The following SRPK2 variants were observed in gnomAD, a reference collection of about 807,000 sequenced individuals.
SRPK2 encodes the protein SRSF protein kinase 2.
A neutral mutation model predicts 90.8 loss-of-function variants in SRPK2; 21 were observed. The ratio of observed to expected loss-of-function variants is 0.23; its 90% CI spans 0.16 to 0.33. The LOEUF (loss-of-function observed/expected upper bound fraction) is 0.33. SRPK2 is among the 10% of genes least tolerant of loss of function. SRPK2 has a pLI of 1.00. For missense variants in SRPK2, 620 were observed against 869.0 expected (o/e 0.71, Z 3.60); for synonymous variants, 288 against 311.1 (o/e 0.93, Z 0.78).
upstream of SRPK2, chr7:105,389,036 C>T (rs1320580068): frequency 2.4e-5 from 23 of 970,416 alleles, no homozygotes; most frequent in Non-Finnish European, 2.7e-5. Context: ...CCCAGCGCCG[C>T]GCGCCCAGCG....
chr7:105,243,630 CAAAA>C (rs767760238), intron 2 of SRPK2, among the ~76,000 whole-genome samples: 1 of 55,586 alleles, frequency 1.8e-5, no homozygotes. Flanking sequence ...GACTCCATCT[CAAAA>C]AAAAAAAAAA....
At chr7:105,268,535 C>G (rs1805400590) in intron 2 of SRPK2, among the ~76,000 whole-genome samples, 1 of 152,106 alleles carries the variant, frequency 6.6e-6, no homozygotes, top group Admixed American at 6.5e-5. Flanking sequence ...ATTTTTAAAG[C>G]CTTCAACAGC....
chr7:105,172,323 C>T (rs1791262186), intron 3 of SRPK2, among the ~76,000 whole-genome samples: 2 of 152,156 alleles, frequency 1.3e-5, no homozygotes, highest in Non-Finnish European at 2.9e-5. Context: ...CAAAAATAAA[C>T]TATAATATAC....
intron 11 of SRPK2, among the ~76,000 whole-genome samples, chr7:105,135,787 CAG>C (rs1450695474): frequency 1.4e-5 from 2 of 146,652 alleles, no homozygotes; most frequent in Non-Finnish European, 3.0e-5. Context: ...TTTTTTGAGA[CAG>C]AGTCTCACTC....
chr7:105,241,293 T>C (rs997971574), intron 2 of SRPK2, among the ~76,000 whole-genome samples: 3 of 152,168 alleles, frequency 2.0e-5, no homozygotes, highest in African/African-American at 7.2e-5. Flanking sequence ...ATTATTTCAG[T>C]TAAAGCTCAA....
chr7:105,307,501 CA>C (rs1230392555), intron 2 of SRPK2, among the ~76,000 whole-genome samples: 1 of 152,218 alleles, frequency 6.6e-6, no homozygotes, highest in African/African-American at 2.4e-5. Flanking sequence ...CAGTGCCATC[CA>C]TTTGTCATCT....
At chr7:105,163,684 G>A (rs968207329) in intron 6 of SRPK2, among the ~76,000 whole-genome samples, 4 of 152,138 alleles carry the variant, frequency 2.6e-5, no homozygotes, top group African/African-American at 9.7e-5. Context: ...GGTGGCACAT[G>A]CCTGTAATCC....
At chr7:105,197,448 C>T (rs1460932464) in intron 3 of SRPK2, among the ~76,000 whole-genome samples, 1 of 152,174 alleles carries the variant, frequency 6.6e-6, no homozygotes, top group Non-Finnish European at 1.5e-5. Context: ...TCTGATCTGC[C>T]AGTCAGCATG....
intron 2 of SRPK2, chr7:105,268,781 G>T (rs765880757): frequency 1.9e-6 from 3 of 1,586,366 alleles, no homozygotes; most frequent in Admixed American, 3.3e-5. Context: ...ACCATTAATT[G>T]TTCATGCAAG....
intron 2 of SRPK2, among the ~76,000 whole-genome samples, chr7:105,224,964 C>T (rs1585241488): frequency 6.6e-6 from 1 of 152,174 alleles, no homozygotes; most frequent in Non-Finnish European, 1.5e-5. Context: ...TCGAAAACTT[C>T]CCTTTCCTTA....
chr7:105,245,029 AAACAAACACAC>A (rs1392391525), intron 2 of SRPK2: 10 of 639,972 alleles, frequency 1.6e-5, no homozygotes, highest in South Asian at 4.6e-5. Flanking sequence ...AAACAAAACA[AAACAAACACAC>A]ACACACACAC....
At chr7:105,232,615 C>CAA (rs11334425) in intron 2 of SRPK2, among the ~76,000 whole-genome samples, 4 of 151,144 alleles carry the variant, frequency 2.6e-5, no homozygotes, top group African/African-American at 9.7e-5. Flanking sequence ...CAAAACAAAA[C>CAA]AAAAAAAAAC....
chr7:105,259,666 T>C (rs1803910166), intron 2 of SRPK2, among the ~76,000 whole-genome samples: 1 of 152,192 alleles, frequency 6.6e-6, no homozygotes, highest in Admixed American at 6.5e-5. Context: ...CAAAACAGCA[T>C]GGTACTGGTA....
upstream of SRPK2, chr7:105,389,098 C>A (rs1268241424): frequency 9.2e-6 from 9 of 975,348 alleles, no homozygotes; most frequent in South Asian, 4.6e-5. Context: ...CGCCCATGGC[C>A]GCGCTGGCCC....
intron 2 of SRPK2, among the ~76,000 whole-genome samples, chr7:105,243,214 G>A (rs1051063062): frequency 1.3e-5 from 2 of 152,062 alleles, no homozygotes; most frequent in East Asian, 3.9e-4. Context: ...ATGTTCCCCA[G>A]GCTTGTCTTA....
At chr7:105,280,273 G>A (rs911102638) in intron 2 of SRPK2, among the ~76,000 whole-genome samples, 15 of 151,994 alleles carry the variant, frequency 9.9e-5, no homozygotes, top group African/African-American at 3.4e-4. Context: ...AAATTAGCCG[G>A]GTGTGGTGGT....
chr7:105,302,760 C>T (rs1301378627), intron 2 of SRPK2, among the ~76,000 whole-genome samples: 1 of 152,096 alleles, frequency 6.6e-6, no homozygotes, highest in Admixed American at 6.5e-5. Flanking sequence ...AACAAATCTG[C>T]TAAATACACT....
chr7:105,272,662 A>G (rs1805972719), intron 2 of SRPK2, among the ~76,000 whole-genome samples: 2 of 152,126 alleles, frequency 1.3e-5, no homozygotes, highest in Non-Finnish European at 1.5e-5. Flanking sequence ...CCTTGCCATC[A>G]AGAACTACAG....
At chr7:105,317,637 A>C (rs1479579355) in intron 2 of SRPK2, among the ~76,000 whole-genome samples, 1 of 152,242 alleles carries the variant, frequency 6.6e-6, no homozygotes, top group Non-Finnish European at 1.5e-5. Flanking sequence ...CAACAAAAAT[A>C]ACATATCACA....
Sources: allele counts gnomAD v4.1 joint callset (sites outside exome capture counted in the v4.1 genomes callset), GRCh38; gene constraint gnomAD v4.1.1; transcripts MANE v1.5; gene names NCBI Gene and HGNC (gene_info 2026-07-23, HGNC 2026-07-21).